Variants in DMRTB1 observed in about 807,000 individuals in gnomAD.
The protein encoded by DMRTB1 is DMRT like family B with proline rich C-terminal 1.
Under a neutral mutation model 25.2 loss-of-function variants are expected in DMRTB1, and 9 were observed. That is an observed-to-expected ratio of 0.36 (90% confidence interval 0.22 to 0.62). DMRTB1 has a LOEUF of 0.62. Among genes scored for constraint, DMRTB1 ranks in the 20% least tolerant of loss-of-function variants. DMRTB1 has a pLI of 0.71. For missense variants in DMRTB1, 551 were observed against 499.3 expected, an observed-to-expected ratio of 1.10 and a Z score of -0.99; for synonymous variants, 269 against 238.1, an observed-to-expected ratio of 1.13 and a Z score of -1.20.
intron 3 of DMRTB1, among the ~76,000 whole-genome samples, chr1:53,465,817 C>T (rs1429279539): frequency 2.0e-5 from 3 of 152,234 alleles, no homozygotes; most frequent in Non-Finnish European, 4.4e-5. Flanking sequence ...TGAGCAAGCT[C>T]ATTTACTCTT....
intron 2 of DMRTB1, among the ~76,000 whole-genome samples, chr1:53,463,393 T>C (rs1644031882): frequency 6.6e-6 from 1 of 152,146 alleles, no homozygotes; most frequent in Non-Finnish European, 1.5e-5. Flanking sequence ...GCCTCCCCCG[T>C]CGTGTCCCAG....
At chr1:53,461,827 G>A (rs1452267649) in intron 2 of DMRTB1, among the ~76,000 whole-genome samples, 182 bp downstream of exon 2, 2 of 152,214 alleles carry the variant, frequency 1.3e-5, no homozygotes, top group Non-Finnish European at 2.9e-5. Flanking sequence ...GGGAGCACAC[G>A]TGTGGACCAG....
chr1:53,463,448 G>A (rs1250598347), intron 2 of DMRTB1, among the ~76,000 whole-genome samples: 1 of 152,182 alleles, frequency 6.6e-6, no homozygotes, highest in East Asian at 1.9e-4. Flanking sequence ...GACCTCACTC[G>A]GGTCTTGGTC....
intron 1 of DMRTB1, 130 bp downstream of exon 1, chr1:53,460,160 G>T: frequency 2.4e-6 from 3 of 1,274,100 alleles, no homozygotes; most frequent in Non-Finnish European, 3.1e-6. Context: ...TCCGCTTTGA[G>T]AAACCCTTCT....
At position 53,459,886 on chromosome 1, in the gene DMRTB1, G is replaced by C; in HGVS notation, c.433G>C (p.Glu145Gln). ...GGTTCTGGGCGGCCGCAGCCACGTG[G>C]AGCCGAGCGAGCGAGCCGCCGTGGC... ...QPVLGGRSHV[E>Q]PSERAAVAMP... is the part of the protein sequence containing the mutation. Residue 145 changes from glutamate to glutamine, a missense_variant, in exon 1 of 4, where the codon GAG becomes CAG. By Grantham distance (29) the Glu-to-Gln change is conservative (BLOSUM62 2). Transcript: ENST00000371445. 6.6e-7 allele frequency: 1 copy of C among 1,522,446 alleles called. No homozygotes were observed. Among genetic ancestry groups the C allele is most frequent in the Non-Finnish European group, 8.7e-7 (1 of 1,144,260 alleles). The allele number at this position is 1,522,446 out of a possible 1,614,324, so 94.3% of individuals were successfully genotyped here. A position where few individuals can be genotyped will look rare whatever the true frequency, so the allele number is the denominator to read the frequency against.
chr1:53,460,747 A>T (rs948260057), intron 1 of DMRTB1, among the ~76,000 whole-genome samples: 1 of 152,200 alleles, frequency 6.6e-6, no homozygotes, highest in Non-Finnish European at 1.5e-5. Flanking sequence ...TTTGGTGCGG[A>T]CGCGTTTTCC....
Position 53,460,002 on chromosome 1 carries a change from C to A in DMRTB1, c.549C>A (p.Thr183=), listed in dbSNP as rs769105414. The change falls in exon 1 of 4, where the codon ACC becomes ACA. Residue 183 remains threonine (T), a synonymous_variant. Transcript: ENST00000371445. ...TAGACCTGCGCAGGCCGATGCGGAC[C>A]GTGCCCGGCCCACTGTTCACCGACT... ...GPLDLRRPMR[T]VPGPLFTDFV... is the part of the protein sequence containing the mutation. The A allele has an allele frequency of 6.3e-7, 1 of 1,583,338 alleles. No homozygotes were observed. Among genetic ancestry groups the A allele is most frequent in the Admixed American group, 1.7e-5 (1 of 59,150 alleles).
At chr1:53,461,792 GC>G (rs1644024507) in intron 2 of DMRTB1, 147 bp downstream of exon 2, 2 of 995,470 alleles carry the variant, frequency 2.0e-6, no homozygotes. Flanking sequence ...ACTAGGCACT[GC>G]CCAGGCACAG....
rs761941427 is a variant in DMRTB1, at chr1:53,464,716, T to C, written c.830T>C (p.Leu277Pro). 1.2e-6 allele frequency: 2 copies of C among 1,613,482 alleles called. No individual in the cohort carries two copies. The highest frequency in any genetic ancestry group is 1.7e-6 in the Non-Finnish European group (2 of 1,179,692). The change falls in exon 3 of 4, where the codon CTT (leucine) becomes CCT (proline). Residue 277 changes from leucine (L) to proline (P), a missense_variant. Transcript: ENST00000371445. ...PPPPLPPLPP[L>P]PPQPQFLPPG... is the part of the protein sequence containing the mutation. ...CCGCCACTGCCGCCCCTTCCACCGC[T>C]TCCACCGCAGCCCCAGTTCCTCCCG...
At chr1:53,465,582 C>G (rs1410524770) in intron 3 of DMRTB1, among the ~76,000 whole-genome samples, 1 of 152,250 alleles carries the variant, frequency 6.6e-6, no homozygotes, top group Non-Finnish European at 1.5e-5. Flanking sequence ...ACAAACTCAA[C>G]TAGGCCTTTA....
chr1:53,461,707 T>G (rs1309353245), intron 2 of DMRTB1, 62 bp downstream of exon 2: 8 of 1,487,830 alleles, frequency 5.4e-6, no homozygotes, highest in Admixed American at 2.2e-5. Context: ...GCTGCCTTGA[T>G]GGATCCTCAG....
intron 1 of DMRTB1, 56 bp from the exon 2 acceptor site, chr1:53,461,417 T>TGCGGATGCTTTTCCCA (rs1644021637): frequency 6.7e-7 from 1 of 1,502,670 alleles, no homozygotes; most frequent in East Asian, 2.5e-5. Context: ...TGGGCCGCCC[T>TGCGGATGCTTTTCCCA]GCGGATGCTT....
intron 2 of DMRTB1, 73 bp downstream of exon 2, chr1:53,461,718 T>C: frequency 6.8e-7 from 1 of 1,469,870 alleles, no homozygotes; most frequent in Non-Finnish European, 9.0e-7. Flanking sequence ...GGATCCTCAG[T>C]CCCAGGAAGC....
chr1:53,466,786 C>G lies in DMRTB1; in HGVS notation c.*124C>G. 1 of 966,488 alleles carries G rather than the reference C, an allele frequency of 1.0e-6. No homozygotes were observed. The highest frequency in any genetic ancestry group is 1.6e-5 in the African/African-American group (1 of 61,480). The allele number at this position is 966,488 out of a possible 1,614,324, so 59.9% of individuals were successfully genotyped here. On this transcript the variant is annotated 3_prime_UTR_variant, in exon 4 of 4. Transcript: ENST00000371445. ...TTGATAGCATAGATGGCAACTGATT[C>G]CCAGTTTAAGATAGGAGGAAGGAGA...
intron 1 of DMRTB1, among the ~76,000 whole-genome samples, chr1:53,460,805 G>C (rs559589448): frequency 1.3e-5 from 2 of 152,288 alleles, no homozygotes; most frequent in South Asian, 2.1e-4. Flanking sequence ...AGGCCGAGGC[G>C]GGGGCCCGGG....
chr1:53,459,975 C>A lies in DMRTB1; in HGVS notation c.522C>A (p.Pro174=). 1 of 1,584,498 alleles carries A rather than the reference C, an allele frequency of 6.3e-7. No homozygotes were observed. The highest frequency in any genetic ancestry group is 2.3e-5 in the East Asian group (1 of 43,586). ...AEAAGSGYPG[P]LDLRRPMRTV... is the part of the protein sequence containing the mutation. ...CCGCAGGCAGTGGCTACCCTGGCCC[C>A]CTAGACCTGCGCAGGCCGATGCGGA... The change falls in exon 1 of 4, where the codon CCC becomes CCA. Residue 174 remains proline, a synonymous_variant. Transcript: ENST00000371445.
rs1485091302 is a variant in DMRTB1, at chr1:53,459,669, G to A, written c.216G>A (p.Gln72=). Residue 72 remains glutamine, a synonymous_variant, in exon 1 of 4, where the codon CAG becomes CAA. Transcript: ENST00000371445. ...AGCAGGAGGCGGCCCTGTGTGCGCA[G>A]GGGCCCAAGCAGGCCTCCGGGGCTG... ...EEEQEAALCA[Q]GPKQASGAAA... is the part of the protein sequence containing the mutation. The A allele has an allele frequency of 1.9e-6, 3 of 1,547,488 alleles. No individual in the cohort carries two copies. The highest frequency in any genetic ancestry group is 2.0e-5 in the Admixed American group (1 of 50,976).
At position 53,461,590 on chromosome 1, in the gene DMRTB1, C is replaced by G; in HGVS notation, c.695C>G (p.Pro232Arg). The G allele has an allele frequency of 6.2e-7, 1 of 1,610,648 alleles. No homozygotes were observed. Among genetic ancestry groups the G allele is most frequent in the Non-Finnish European group, 8.5e-7 (1 of 1,178,740 alleles). ...LGYLDAPPGV[P>R]LQQGFRHVSR... is the part of the protein sequence containing the mutation. The stretch of plus-strand genomic sequence containing the variant: ...TACCTGGACGCCCCTCCTGGCGTCC[C>G]CCTGCAGCAGGGCTTCCGGCATGTG... The change falls in exon 2 of 4, where the codon CCC becomes CGC. Residue 232 changes from proline (P) to arginine (R), a missense_variant. Physicochemically the swap from Pro to Arg is moderately radical, Grantham distance 103. Coordinates refer to ENST00000371445, the MANE Select transcript of DMRTB1 (RefSeq NM_033067.3).
chr1:53,459,430 G>C lies in DMRTB1; in HGVS notation c.-24G>C, dbSNP rs1644003864. The C allele has an allele frequency of 1.9e-6, 3 of 1,612,684 alleles. No individual in the cohort carries two copies. The African/African-American group carries it at 4.0e-5, about 22-fold the overall frequency. On this transcript the variant is annotated 5_prime_UTR_variant, in exon 1 of 4. Coordinates refer to ENST00000371445, the MANE Select transcript of DMRTB1 (RefSeq NM_033067.3). ...TCTGCAGCTCCCAGAGGTGGTGGTTGTGTTACGAAGGCTGACCCTGCCAAT... is the reference window on the plus strand; with the variant it reads ...TCTGCAGCTCCCAGAGGTGGTGGTTCTGTTACGAAGGCTGACCCTGCCAAT...
Sources: gnomAD v4.1 joint callset for allele counts (sites outside exome capture counted in the v4.1 genomes callset) on GRCh38, gnomAD v4.1.1 for gene constraint, MANE v1.5 for transcripts, NCBI Gene and HGNC (gene_info 2026-07-23, HGNC 2026-07-21) for gene names.